DIAPH2: variants seen among roughly 807,000 people sequenced by gnomAD.
DIAPH2 encodes diaphanous related formin 2.
A neutral mutation model predicts 92.7 loss-of-function variants in DIAPH2; 35 were observed. That is an observed-to-expected ratio of 0.38 (90% confidence interval 0.29 to 0.50). The LOEUF (loss-of-function observed/expected upper bound fraction) is 0.50. Among genes scored for constraint, DIAPH2 ranks in the 20% least tolerant of loss-of-function variants. The pLI, the probability that DIAPH2 is intolerant of heterozygous loss-of-function variation, is 0.94. For missense variants in DIAPH2, 701 were observed against 819.5 expected (o/e 0.86, Z 1.77); for synonymous variants, 301 against 280.4 (o/e 1.07, Z -0.73).
At chrX:96,858,789 T>C (rs1157892870) in intron 4 of DIAPH2, among the ~76,000 whole-genome samples, 3 of 112,045 alleles carry the variant, frequency 2.7e-5, no homozygotes, top group Non-Finnish European at 5.6e-5. Flanking sequence ...GTAGGTGTCA[T>C]TGCCTGGAAG....
At chrX:96,799,788 A>G (rs2064568509) in intron 4 of DIAPH2, among the ~76,000 whole-genome samples, 1 of 110,642 alleles carries the variant, frequency 9.0e-6, no homozygotes, top group Admixed American at 9.7e-5. Context: ...AGCCTGGGTG[A>G]CAGAGTGAGA....
intron 17 of DIAPH2, among the ~76,000 whole-genome samples, chrX:97,050,513 T>G (rs116349508): frequency 0.029 from 3,118 of 108,572 alleles, 107 homozygotes; most frequent in African/African-American, 0.098. Flanking sequence ...TTTGTTTTTT[T>G]TTTTTTTTCC....
intron 4 of DIAPH2, among the ~76,000 whole-genome samples, chrX:96,850,556 G>A (rs2065000614): frequency 8.9e-6 from 1 of 112,008 alleles, no homozygotes; most frequent in South Asian, 3.7e-4. Flanking sequence ...CTGCTTCATA[G>A]CCATTGTGTG....
In DIAPH2 at chrX:96,973,656, A is replaced by G. The variant is rs181336025; in HGVS notation, c.2050+8449A>G. 7.5e-4 allele frequency among the ~76,000 whole-genome samples: 76 copies of G among 101,641 alleles called. 1 individual carries two copies. The highest frequency in any genetic ancestry group is 2.7e-3 in the African/African-American group (72 of 27,121). 88.3% of individuals were successfully genotyped at this position (101,641 alleles called of 115,157 possible). ...TGTGCATAGCTTCTATATGAATACT[A>G]TGCCATTTTATAGCAGGCATTTGAA... On this transcript the variant is annotated intron_variant, in intron 17 of 26. Transcript: ENST00000324765.
At chrX:97,114,329 C>T (rs1048667502) in intron 20 of DIAPH2, among the ~76,000 whole-genome samples, 4 of 111,906 alleles carry the variant, frequency 3.6e-5, no homozygotes, top group Admixed American at 9.5e-5. Flanking sequence ...TTTCTGTCAT[C>T]ATGTACATCT....
At chrX:97,491,528 A>G (rs1569410785) in intron 26 of DIAPH2, among the ~76,000 whole-genome samples, 1 of 110,902 alleles carries the variant, frequency 9.0e-6, no homozygotes, top group East Asian at 2.8e-4. Context: ...CTCCTGTCTC[A>G]GCCTCCCAAG....
chrX:96,759,105 G>T (rs1003473863), intron 4 of DIAPH2, among the ~76,000 whole-genome samples: 14 of 110,475 alleles, frequency 1.3e-4, no homozygotes, highest in Non-Finnish European at 1.7e-4. Flanking sequence ...GTGATATTTT[G>T]TGTGTATACA....
At chrX:96,956,004 G>A (rs771218315) in intron 15 of DIAPH2, among the ~76,000 whole-genome samples, 2 of 112,562 alleles carry the variant, frequency 1.8e-5, no homozygotes, top group African/African-American at 6.4e-5. Context: ...CTCTGTGTGG[G>A]GGCTCCAACC....
chrX:97,295,005 CTT>C (rs1471355445), intron 23 of DIAPH2, among the ~76,000 whole-genome samples: 2 of 111,437 alleles, frequency 1.8e-5, no homozygotes, highest in Non-Finnish European at 3.8e-5. Context: ...TTTGCTCACT[CTT>C]TGACACACCA....
chrX:97,281,830 G>C (rs2068499920), intron 23 of DIAPH2, among the ~76,000 whole-genome samples: 1 of 111,105 alleles, frequency 9.0e-6, no homozygotes, highest in African/African-American at 3.3e-5. Context: ...TTAAAGTCTG[G>C]GGAAAAATTG....
At chrX:97,532,563 T>A (rs959853359) in intron 26 of DIAPH2, among the ~76,000 whole-genome samples, 9 of 112,212 alleles carry the variant, frequency 8.0e-5, no homozygotes, top group Non-Finnish European at 5.6e-5. Context: ...CTATTAAGAA[T>A]GGGAAAGAGT....
At chrX:97,200,772 C>A (rs1208315589) in intron 22 of DIAPH2, among the ~76,000 whole-genome samples, 1 of 111,777 alleles carries the variant, frequency 8.9e-6, no homozygotes, top group Non-Finnish European at 1.9e-5. Context: ...TCGAAGGCAG[C>A]AGCTGATCCT....
chrX:97,266,398 AAGT>A (rs748037293), intron 23 of DIAPH2, among the ~76,000 whole-genome samples: 87 of 112,136 alleles, frequency 7.8e-4, no homozygotes, highest in Non-Finnish European at 1.3e-3. Flanking sequence ...TGGACTTTGA[AAGT>A]AGGAGTTTCA....
chrX:96,916,493 C>T lies in DIAPH2; in HGVS notation c.788C>T (p.Ala263Val). ...AGAAGTCTTTTACTATTGGCAAGAG[C>T]AATTGACCCCAAACAACCCAACATG... Reference protein sequence around the residue: ...DERSLLLLARAIDPKQPNMMT... With the variant: ...DERSLLLLARVIDPKQPNMMT... Residue 263 changes from alanine (A) to valine (V), a missense_variant, in exon 8 of 27, where the codon GCA becomes GTA. Physicochemically the swap from Ala to Val is moderately conservative, Grantham distance 64. This residue lies in a region of DIAPH2 where 34 missense variants were observed against 74.7 expected (regional missense o/e 0.46). Coordinates refer to ENST00000324765, the MANE Select transcript of DIAPH2 (RefSeq NM_006729.5). 1 of 1,194,572 alleles carries T rather than the reference C, an allele frequency of 8.4e-7. No homozygotes were observed. Among genetic ancestry groups the T allele is most frequent in the Non-Finnish European group, 1.1e-6 (1 of 888,230 alleles).
intron 7 of DIAPH2, among the ~76,000 whole-genome samples, chrX:96,914,354 G>C (rs2065488741): frequency 9.0e-6 from 1 of 111,024 alleles, no homozygotes; most frequent in Non-Finnish European, 1.9e-5. Context: ...AATGAGCATT[G>C]CTTCTTCACA....
chrX:96,924,216 G>A (rs940181169), intron 9 of DIAPH2, among the ~76,000 whole-genome samples: 5 of 111,971 alleles, frequency 4.5e-5, no homozygotes, highest in African/African-American at 1.6e-4. Context: ...TTTATAAAGT[G>A]TTGAATGACT....
chrX:97,239,670 C>T (rs2068075672), intron 22 of DIAPH2, among the ~76,000 whole-genome samples: 2 of 111,204 alleles, frequency 1.8e-5, no homozygotes, highest in South Asian at 7.8e-4. Flanking sequence ...TTTGCACTGT[C>T]ATTAAAGACC....
intron 23 of DIAPH2, among the ~76,000 whole-genome samples, chrX:97,330,675 G>A (rs758147133): frequency 5.5e-5 from 6 of 109,622 alleles, no homozygotes; most frequent in South Asian, 4.0e-4. Context: ...ACCACGCCCA[G>A]CTAACTTTCG....
chrX:97,019,904 G>A (rs2066286267), intron 17 of DIAPH2, among the ~76,000 whole-genome samples: 1 of 112,261 alleles, frequency 8.9e-6, no homozygotes. Flanking sequence ...GACTAGGATT[G>A]TCGCATCATT....
Sources: gnomAD v4.1 joint callset for allele counts (sites outside exome capture counted in the v4.1 genomes callset) on GRCh38, gnomAD v4.1.1 for gene constraint, gnomAD v4.1.1 regional missense constraint, MANE v1.5 for transcripts, NCBI Gene and HGNC (gene_info 2026-07-23, HGNC 2026-07-21) for gene names.